Variants in MAMLD1 observed in about 807,000 individuals in gnomAD.
The protein encoded by MAMLD1 is mastermind-like domain-containing protein 1.
A neutral mutation model predicts 45.0 loss-of-function variants in MAMLD1; 14 were observed. The observed-to-expected ratio is 0.31, with a 90% CI of 0.21 to 0.49. The LOEUF (loss-of-function observed/expected upper bound fraction) is 0.49, where lower values mean the gene tolerates loss of function less well. Ranked by LOEUF, MAMLD1 falls within the 20% of genes least tolerant of loss-of-function variation. The probability of loss-of-function intolerance (pLI) is 0.99; values close to 1 mark genes in which losing one functional copy is unlikely to be tolerated. For synonymous variants in MAMLD1, 254 were observed against 247.8 expected, an observed-to-expected ratio of 1.02 and a Z score of -0.24; for missense variants, 543 against 603.6, an observed-to-expected ratio of 0.90 and a Z score of 1.05.
At chrX:150,476,518 G>A (rs782463987) in intron 5 of MAMLD1, among the ~76,000 whole-genome samples, 21 of 111,933 alleles carry the variant, frequency 1.9e-4, no homozygotes, top group African/African-American at 6.5e-4. Context: ...CTCAGTGCAC[G>A]TGCATTTGAG....
intron 1 of MAMLD1, among the ~76,000 whole-genome samples, 183 bp from the exon 2 acceptor site, chrX:150,445,271 C>T (rs2035449718): frequency 1.8e-5 from 2 of 111,207 alleles, no homozygotes; most frequent in African/African-American, 3.3e-5. Context: ...AGCCAACTGT[C>T]TCACAAAAAT....
intron 3 of MAMLD1, among the ~76,000 whole-genome samples, chrX:150,467,095 T>C (rs1317336655): frequency 9.1e-6 from 1 of 109,396 alleles, no homozygotes; most frequent in African/African-American, 3.3e-5. Flanking sequence ...TGGGCCTGAC[T>C]GTTGCCAGCT....
chrX:150,513,496 A>G lies in MAMLD1; in HGVS notation c.*1537A>G, dbSNP rs1430783967. 2 of 287,980 alleles carry G rather than the reference A, an allele frequency of 6.9e-6. No individual in the cohort carries two copies. Among genetic ancestry groups the G allele is most frequent in the Non-Finnish European group, 1.2e-5 (2 of 165,319 alleles). 23.7% of individuals were successfully genotyped at this position (287,980 alleles called of 1,213,427 possible). On this transcript the variant is annotated 3_prime_UTR_variant, in exon 8 of 8. Transcript: ENST00000370401. ...TGCAATGAGCAATGTGGATATGACC[A>G]AGAGTTGTTGTGCAAGTTGACAAAT... is the stretch of plus-strand genomic sequence containing the variant.
intron 1 of MAMLD1, among the ~76,000 whole-genome samples, chrX:150,375,065 G>T (rs910440913): frequency 9.1e-6 from 1 of 110,354 alleles, no homozygotes; most frequent in African/African-American, 3.3e-5. Flanking sequence ...GAAGAGGATG[G>T]CTGGACTCCA....
At chrX:150,450,508 C>T (rs502696) in intron 2 of MAMLD1, among the ~76,000 whole-genome samples, 39,213 of 110,393 alleles carry the variant, frequency 0.36, 5,384 homozygotes, top group East Asian at 0.8. Flanking sequence ...CTGCCACTTA[C>T]TGATAACTTG....
chrX:150,475,748 T>C (rs1267840059), intron 5 of MAMLD1, among the ~76,000 whole-genome samples: 1 of 111,393 alleles, frequency 9.0e-6, no homozygotes, highest in Non-Finnish European at 1.9e-5. Context: ...AAAGGAATAG[T>C]CCCCTTCACA....
At chrX:150,505,219 G>T (rs1410023021) in intron 6 of MAMLD1, 1 of 226,903 alleles carries the variant, frequency 4.4e-6, no homozygotes, top group Middle Eastern at 2.5e-3. Flanking sequence ...CATGGGTGAG[G>T]TCTCTAGAAG....
intron 5 of MAMLD1, among the ~76,000 whole-genome samples, chrX:150,490,793 A>G (rs1404316036): frequency 8.9e-6 from 1 of 112,052 alleles, no homozygotes; most frequent in Non-Finnish European, 1.9e-5. Flanking sequence ...ACAAAATACT[A>G]GCAAACTCAA....
At chrX:150,432,589 T>A (rs2124576573) in intron 1 of MAMLD1, among the ~76,000 whole-genome samples, 1 of 112,276 alleles carries the variant, frequency 8.9e-6, no homozygotes, top group Non-Finnish European at 1.9e-5. Flanking sequence ...GGAGTTGATT[T>A]TTCTATATGG....
At chrX:150,428,602 C>G (rs1557403912) in intron 1 of MAMLD1, among the ~76,000 whole-genome samples, 1 of 112,223 alleles carries the variant, frequency 8.9e-6, no homozygotes, top group Admixed American at 9.4e-5. Flanking sequence ...CTTACTCCTG[C>G]TTTGGACAGA....
At chrX:150,465,403 A>T (rs2036185949) in intron 3 of MAMLD1, among the ~76,000 whole-genome samples, 1 of 112,347 alleles carries the variant, frequency 8.9e-6, no homozygotes, top group African/African-American at 3.2e-5. Flanking sequence ...TCTCTATCAG[A>T]AGAGAAACCT....
intron 6 of MAMLD1, 57 bp from the exon 7 acceptor site, chrX:150,509,905 A>C: frequency 4.5e-6 from 4 of 889,191 alleles, no homozygotes; most frequent in Non-Finnish European, 6.7e-6. Flanking sequence ...AGCGATCCTA[A>C]GGCTAATTAT....
Position 150,470,320 on chromosome X carries a change from G to A in MAMLD1, c.747G>A (p.Met249Ile), listed in dbSNP as rs141528376. Reference sequence around the variant, plus strand: ...CTAGTTGCAGCCAAGTTACTGGCATGTCACTTCAGATCCCATCCTCCTCCA... The same window carrying A: ...CTAGTTGCAGCCAAGTTACTGGCATATCACTTCAGATCCCATCCTCCTCCA... ...FASSCSQVTGMSLQIPSSSTG... is the reference protein window; with the variant it reads ...FASSCSQVTGISLQIPSSSTG... The change falls in exon 4 of 8, where the codon ATG becomes ATA. Residue 249 changes from methionine to isoleucine, a missense_variant. By Grantham distance (10) the Met-to-Ile change is conservative (BLOSUM62 1). Coordinates refer to ENST00000370401, the MANE Select transcript of MAMLD1 (RefSeq NM_005491.5). 8.3e-7 allele frequency: 1 copy of A among 1,207,844 alleles called. No individual in the cohort carries two copies. Among genetic ancestry groups the A allele is most frequent in the East Asian group, 3.0e-5 (1 of 33,765 alleles).
At chrX:150,451,270 G>A (rs1386488845) in intron 2 of MAMLD1, among the ~76,000 whole-genome samples, 1 of 112,397 alleles carries the variant, frequency 8.9e-6, no homozygotes, top group African/African-American at 3.2e-5. Context: ...CTTTCCCACA[G>A]TTTCCTTGAC....
Position 150,481,012 on chromosome X carries a change from C to A in MAMLD1, c.2040+7210C>A, listed in dbSNP as rs782493056. On this transcript the variant is annotated intron_variant, in intron 5 of 7. Coordinates refer to ENST00000370401, the MANE Select transcript of MAMLD1 (RefSeq NM_005491.5). ...GAGCGTAGCTGTGGAGACACATATT[C>A]TTCTGCAGGCCCATGTCGGGGTGGC... 8.8e-5 allele frequency among the ~76,000 whole-genome samples: 10 copies of A among 112,998 alleles called. No homozygotes were observed. In the East Asian group the frequency reaches 2.5e-3, roughly 28 times the overall value.
At chrX:150,374,482 A>C (rs2032205561) in intron 1 of MAMLD1, among the ~76,000 whole-genome samples, 1 of 112,604 alleles carries the variant, frequency 8.9e-6, no homozygotes. Context: ...TGCTCTCTTT[A>C]GTGTCAGTGT....
intron 5 of MAMLD1, among the ~76,000 whole-genome samples, chrX:150,485,639 A>C (rs1557407570): frequency 2.7e-5 from 3 of 112,368 alleles, no homozygotes; most frequent in Non-Finnish European, 3.8e-5. Flanking sequence ...AATATGACCC[A>C]GAAATTCTTA....
At chrX:150,398,337 A>AGAAGAAGAAGAAGAAGAAGAAGGG (rs2033588884) in intron 1 of MAMLD1, among the ~76,000 whole-genome samples, 1 of 52,296 alleles carries the variant, frequency 1.9e-5, no homozygotes, top group Non-Finnish European at 3.8e-5. Context: ...AAGAAGAAGA[A>AGAAGAAGAAGAAGAAGAAGAAGGG]GAAGAGGAAG....
At chrX:150,368,039 T>C (rs1277196528) in intron 1 of MAMLD1, among the ~76,000 whole-genome samples, 1 of 110,263 alleles carries the variant, frequency 9.1e-6, no homozygotes, top group South Asian at 3.9e-4. Flanking sequence ...TGTGTCTTTA[T>C]AGCAGCATGA....
Sources: gnomAD v4.1 joint callset for allele counts (sites outside exome capture counted in the v4.1 genomes callset) on GRCh38, gnomAD v4.1.1 for gene constraint, MANE v1.5 for transcripts, NCBI Gene and HGNC (gene_info 2026-07-23, HGNC 2026-07-21) for gene names.